Variants in FSIP1 observed in about 807,000 individuals in gnomAD.
FSIP1 encodes the protein fibrous sheath-interacting protein 1.
Under a neutral mutation model 60.9 loss-of-function variants are expected in FSIP1, and 65 were observed. The observed-to-expected ratio is 1.07, with a 90% confidence interval of 0.87 to 1.31. FSIP1 has a LOEUF of 1.31. Ranked by LOEUF, FSIP1 falls within the 40% of genes most tolerant of loss-of-function variation. The probability of loss-of-function intolerance (pLI) is 0.00; values close to 1 mark genes in which losing one functional copy is unlikely to be tolerated. For synonymous variants in FSIP1, 209 were observed against 221.2 expected (o/e 0.94, Z 0.49); for missense variants, 675 against 665.5 (o/e 1.01, Z -0.16).
At chr15:39,756,199 A>G (rs76817359) in intron 5 of FSIP1, among the ~76,000 whole-genome samples, 458 of 152,222 alleles carry the variant, frequency 3.0e-3, no homozygotes, top group South Asian at 0.012. Flanking sequence ...TGTGTTTAGC[A>G]CCTATAAATA....
chr15:39,773,361 TC>T (rs1375745377), intron 2 of FSIP1, among the ~76,000 whole-genome samples: 1 of 152,184 alleles, frequency 6.6e-6, no homozygotes, highest in East Asian at 1.9e-4. Flanking sequence ...TTAACACAAA[TC>T]ACAACTTTGA....
chr15:39,695,753 T>C (rs1040680976), intron 10 of FSIP1, among the ~76,000 whole-genome samples: 1 of 152,242 alleles, frequency 6.6e-6, no homozygotes, highest in African/African-American at 2.4e-5. Flanking sequence ...TCATGTGTGT[T>C]TGCACACAAC....
At chr15:39,755,306 C>T (rs1897268133) in intron 5 of FSIP1, among the ~76,000 whole-genome samples, 1 of 152,048 alleles carries the variant, frequency 6.6e-6, no homozygotes, top group Non-Finnish European at 1.5e-5. Context: ...AGTACCTTCC[C>T]TCCATCTAAA....
rs78758764 is a variant in FSIP1, at chr15:39,767,382, C to T, written c.311-1636G>A. 4.9e-3 allele frequency among the ~76,000 whole-genome samples: 746 copies of T among 152,208 alleles called. 4 individuals carry two copies. The highest frequency in any genetic ancestry group is 0.013 in the South Asian group (64 of 4,818). ...AGTACTAAAACAATATAAACAAATCCAATGTAAACTGTGTCAGCAGCTAAT... is the reference window on the plus strand; with the variant it reads ...AGTACTAAAACAATATAAACAAATCTAATGTAAACTGTGTCAGCAGCTAAT... On this transcript the variant is annotated intron_variant, in intron 3 of 11. Transcript: ENST00000350221.
intron 1 of FSIP1, among the ~76,000 whole-genome samples, chr15:39,778,291 A>G (rs1688087): frequency 0.59 from 89,351 of 152,066 alleles, 26,776 homozygotes; most frequent in African/African-American, 0.69. Context: ...CATGCGCAGA[A>G]CCGCATAATA....
intron 10 of FSIP1, among the ~76,000 whole-genome samples, chr15:39,647,130 A>G (rs182303260): frequency 1.2e-4 from 19 of 152,346 alleles, no homozygotes; most frequent in Non-Finnish European, 1.9e-4. Context: ...AGATATACAT[A>G]AAAGGATACA....
intron 11 of FSIP1, among the ~76,000 whole-genome samples, chr15:39,610,581 G>A (rs929394482): frequency 2.0e-5 from 3 of 152,170 alleles, no homozygotes; most frequent in Non-Finnish European, 2.9e-5. Flanking sequence ...CAGGAGAATC[G>A]CTTGAACCCA....
intron 1 of FSIP1, among the ~76,000 whole-genome samples, chr15:39,778,812 A>C (rs1898150099): frequency 6.6e-6 from 1 of 152,214 alleles, no homozygotes; most frequent in South Asian, 2.1e-4. Context: ...ACAGTTAAAC[A>C]TAATACTTTA....
intron 10 of FSIP1, among the ~76,000 whole-genome samples, chr15:39,647,669 C>T (rs1002544286): frequency 1.4e-5 from 2 of 146,112 alleles, no homozygotes; most frequent in African/African-American, 5.4e-5. Context: ...ACACTTAAAG[C>T]TTCAGAACAG....
At chr15:39,599,000 C>T (rs954152), downstream of FSIP1, 23,771 of 152,064 alleles carry the variant, frequency 0.16, 2,074 homozygotes, top group African/African-American at 0.19. Context: ...CGGCTCACTG[C>T]AACCTCTGCC....
chr15:39,613,068 A>G (rs1891093668), intron 11 of FSIP1, among the ~76,000 whole-genome samples: 1 of 152,114 alleles, frequency 6.6e-6, no homozygotes, highest in Admixed American at 6.5e-5. Flanking sequence ...CAACTAGAAA[A>G]AAGATGAATG....
intron 7 of FSIP1, among the ~76,000 whole-genome samples, chr15:39,738,608 AG>A (rs1214924004): frequency 6.6e-6 from 1 of 152,262 alleles, no homozygotes; most frequent in Admixed American, 6.5e-5. Flanking sequence ...CTATCATATG[AG>A]GAATTTAAAT....
At chr15:39,643,475 A>T (rs1054852318) in intron 10 of FSIP1, among the ~76,000 whole-genome samples, 1 of 152,234 alleles carries the variant, frequency 6.6e-6, no homozygotes, top group South Asian at 2.1e-4. Flanking sequence ...GGCATTACCA[A>T]ATCCTGAGGT....
chr15:39,617,263 G>C (rs1891264955), intron 11 of FSIP1, among the ~76,000 whole-genome samples: 1 of 152,124 alleles, frequency 6.6e-6, no homozygotes, highest in Admixed American at 6.5e-5. Flanking sequence ...TGAAACACTA[G>C]ATCGTGACGA....
intron 10 of FSIP1, among the ~76,000 whole-genome samples, chr15:39,664,636 T>C (rs1893425452): frequency 6.6e-6 from 1 of 152,120 alleles, no homozygotes; most frequent in Non-Finnish European, 1.5e-5. Context: ...ATGATGACCT[T>C]ACATTTCACT....
chr15:39,654,148 C>T (rs561901372), intron 10 of FSIP1, among the ~76,000 whole-genome samples: 3 of 152,076 alleles, frequency 2.0e-5, no homozygotes, highest in Non-Finnish European at 4.4e-5. Context: ...GGTTGCTTTG[C>T]AGTTAATTTA....
intron 10 of FSIP1, among the ~76,000 whole-genome samples, chr15:39,707,395 G>A (rs879450867): frequency 4.6e-5 from 7 of 152,022 alleles, no homozygotes; most frequent in Admixed American, 2.0e-4. Context: ...AATTTACAGA[G>A]TAAGTAGAGA....
At chr15:39,673,501 G>A (rs1893801069) in intron 10 of FSIP1, among the ~76,000 whole-genome samples, 1 of 151,904 alleles carries the variant, frequency 6.6e-6, no homozygotes, top group African/African-American at 2.4e-5. Context: ...TTCTGGTAGA[G>A]ACGAGGTCTC....
At chr15:39,660,900 T>C (rs1442491531) in intron 10 of FSIP1, among the ~76,000 whole-genome samples, 2 of 152,022 alleles carry the variant, frequency 1.3e-5, no homozygotes, top group South Asian at 2.1e-4. Flanking sequence ...CCATCTCTAC[T>C]AAAACTATAA....
Sources: gnomAD v4.1 joint callset for allele counts (sites outside exome capture counted in the v4.1 genomes callset) on GRCh38, gnomAD v4.1.1 for gene constraint, MANE v1.5 for transcripts, NCBI Gene and HGNC (gene_info 2026-07-23, HGNC 2026-07-21) for gene names.